CDH13: variants seen among roughly 807,000 people sequenced by gnomAD.
CDH13 encodes cadherin 13, also known as cadherin-13.
CDH13 carries 24 observed loss-of-function variants against 63.8 expected under a neutral mutation model. The ratio of observed to expected loss-of-function variants is 0.38; its 90% CI spans 0.27 to 0.53. CDH13 has a LOEUF of 0.53. CDH13 is among the 20% of genes least tolerant of loss of function. The pLI is 0.85. For synonymous variants in CDH13, 503 were observed against 355.3 expected (o/e 1.42, Z -4.67); for missense variants, 1,049 against 903.1 (o/e 1.16, Z -2.07).
chr16:83,386,939 A>C (rs539267053), intron 6 of CDH13, among the ~76,000 whole-genome samples: 1 of 152,206 alleles, frequency 6.6e-6, no homozygotes, highest in Non-Finnish European at 1.5e-5. Context: ...TAGAAAGCCA[A>C]AGTTTCCCTG....
intron 5 of CDH13, among the ~76,000 whole-genome samples, chr16:83,296,248 T>C (rs966384971): frequency 6.6e-6 from 1 of 152,222 alleles, no homozygotes; most frequent in Non-Finnish European, 1.5e-5. Flanking sequence ...ATCTTTATAA[T>C]TTCCCTGTGA....
At chr16:82,967,093 T>G (rs1293549771) in intron 2 of CDH13, among the ~76,000 whole-genome samples, 1 of 152,172 alleles carries the variant, frequency 6.6e-6, no homozygotes, top group Non-Finnish European at 1.5e-5. Context: ...TAGTTGAAGA[T>G]TATAGGTTGG....
chr16:82,654,116 C>G (rs905800623), intron 1 of CDH13, among the ~76,000 whole-genome samples: 3 of 152,090 alleles, frequency 2.0e-5, no homozygotes, highest in South Asian at 2.1e-4. Flanking sequence ...ACATCTATTT[C>G]CGGCCTACAC....
chr16:82,764,326 C>T (rs909274937), intron 1 of CDH13, among the ~76,000 whole-genome samples: 5 of 152,138 alleles, frequency 3.3e-5, no homozygotes, highest in African/African-American at 1.2e-4. Flanking sequence ...TGCTACTTAC[C>T]TACTAGAAAG....
At chr16:83,458,923 G>T (rs995299609) in intron 6 of CDH13, among the ~76,000 whole-genome samples, 1 of 152,228 alleles carries the variant, frequency 6.6e-6, no homozygotes, top group Non-Finnish European at 1.5e-5. Context: ...ATTGTCAAGA[G>T]AAGGGTATAT....
chr16:83,299,447 C>T (rs189105601), intron 5 of CDH13, among the ~76,000 whole-genome samples: 2 of 152,326 alleles, frequency 1.3e-5, no homozygotes. Flanking sequence ...TCCTCATTCT[C>T]TCTAGGAACC....
intron 2 of CDH13, among the ~76,000 whole-genome samples, chr16:82,877,258 G>A (rs1274919670): frequency 2.6e-5 from 4 of 152,220 alleles, no homozygotes; most frequent in African/African-American, 7.2e-5. Flanking sequence ...AGTCTGACAA[G>A]TAGGTTATTG....
At chr16:83,351,318 A>T (rs1229874066) in intron 6 of CDH13, among the ~76,000 whole-genome samples, 5 of 144,380 alleles carry the variant, frequency 3.5e-5, no homozygotes, top group Non-Finnish European at 1.5e-5. Context: ...TATATTTTTT[A>T]AAAAATAAAT....
intron 10 of CDH13, among the ~76,000 whole-genome samples, chr16:83,727,594 T>G (rs190996806): frequency 7.2e-5 from 11 of 152,012 alleles, no homozygotes; most frequent in African/African-American, 1.9e-4. Context: ...AATATCAGTT[T>G]TACTAAATGA....
chr16:82,924,797 T>G (rs1371566272), intron 2 of CDH13, among the ~76,000 whole-genome samples: 1 of 152,092 alleles, frequency 6.6e-6, no homozygotes, highest in Admixed American at 6.6e-5. Context: ...CTTTGAGCAA[T>G]GGAACCAGCT....
intron 5 of CDH13, among the ~76,000 whole-genome samples, chr16:83,334,250 GTCTCTC>G (rs377643024): frequency 5.5e-4 from 83 of 150,706 alleles, no homozygotes; most frequent in African/African-American, 2.0e-3. Context: ...CTGTCTGTCT[GTCTCTC>G]TCTCTGTTTC....
chr16:83,645,218 A>T (rs8061113), intron 8 of CDH13, among the ~76,000 whole-genome samples: 1 of 151,446 alleles, frequency 6.6e-6, no homozygotes, highest in Non-Finnish European at 1.5e-5. Context: ...TGCAGCCATA[A>T]AAAAGAATGA....
intron 4 of CDH13, among the ~76,000 whole-genome samples, chr16:83,129,813 A>G (rs1200369485): frequency 2.0e-5 from 3 of 152,338 alleles, no homozygotes; most frequent in Admixed American, 6.5e-5. Context: ...CACATAGAGG[A>G]TGTGGACAGG....
intron 4 of CDH13, among the ~76,000 whole-genome samples, chr16:83,147,601 T>C (rs1388353714): frequency 6.6e-6 from 1 of 152,208 alleles, no homozygotes; most frequent in African/African-American, 2.4e-5. Context: ...TTTGCCTTCC[T>C]TGAAGTCCTT....
chr16:83,521,755 C>A (rs2074843128), intron 7 of CDH13, among the ~76,000 whole-genome samples: 1 of 152,192 alleles, frequency 6.6e-6, no homozygotes, highest in Admixed American at 6.6e-5. Flanking sequence ...GTGCATGGAA[C>A]CAGCCCTGGC....
chr16:83,590,753 T>C (rs1341640390), intron 7 of CDH13, among the ~76,000 whole-genome samples: 3 of 152,162 alleles, frequency 2.0e-5, no homozygotes, highest in Non-Finnish European at 4.4e-5. Context: ...AGAACAATGC[T>C]AACCGAAGTG....
chr16:83,537,656 G>T (rs539702188), intron 7 of CDH13, among the ~76,000 whole-genome samples: 261 of 151,044 alleles, frequency 1.7e-3, no homozygotes, highest in African/African-American at 6.1e-3. Context: ...GAAAAAAAAA[G>T]TGTTGCAAAG....
intron 5 of CDH13, among the ~76,000 whole-genome samples, chr16:83,281,820 G>A (rs1276068652): frequency 6.6e-6 from 1 of 152,054 alleles, no homozygotes; most frequent in East Asian, 1.9e-4. Flanking sequence ...GGCTGAGGCA[G>A]GAGAATTGCT....
chr16:83,646,838 T>C (rs183735893), intron 8 of CDH13, among the ~76,000 whole-genome samples: 3 of 152,088 alleles, frequency 2.0e-5, no homozygotes, highest in Admixed American at 2.0e-4. Flanking sequence ...CCTGGTCTGA[T>C]GGCTTCTTCT....
Sources: allele counts gnomAD v4.1 joint callset (sites outside exome capture counted in the v4.1 genomes callset), GRCh38; gene constraint gnomAD v4.1.1; transcripts MANE v1.5; gene names NCBI Gene and HGNC (gene_info 2026-07-23, HGNC 2026-07-21).